EBF1: variants seen among roughly 807,000 people sequenced by gnomAD.
The protein encoded by EBF1 is EBF transcription factor 1.
EBF1 carries 10 observed loss-of-function variants against 68.4 expected under a neutral mutation model. The ratio of observed to expected loss-of-function variants is 0.15; its 90% CI spans 0.09 to 0.25. EBF1 has a LOEUF of 0.25. EBF1 is among the 10% of genes least tolerant of loss of function. The probability of loss-of-function intolerance (pLI) is 1.00; values close to 1 mark genes in which losing one functional copy is unlikely to be tolerated. For synonymous variants in EBF1, 298 were observed against 299.8 expected (o/e 0.99, Z 0.06); for missense variants, 509 against 794.4 (o/e 0.64, Z 4.32).
intron 13 of EBF1, 148 bp from the exon 14 acceptor site, chr5:158,712,481 G>A (rs1759617870): frequency 3.6e-6 from 3 of 834,796 alleles, no homozygotes; most frequent in East Asian, 5.3e-5. Context: ...GTGGGTTGGT[G>A]GTGCTAGCTC....
chr5:158,698,980 A>T lies in EBF1; in HGVS notation c.*131T>A. On this transcript the variant is annotated 3_prime_UTR_variant, in exon 16 of 16. Transcript: ENST00000313708. Reference sequence around the variant, plus strand: ...GCAAGGTCGGTGATTTTGTTTGTTTAAAAATCTGCAGTTATTGTGATTCCT... The same window carrying T: ...GCAAGGTCGGTGATTTTGTTTGTTTTAAAATCTGCAGTTATTGTGATTCCT... 1 of 782,026 alleles carries T rather than the reference A, an allele frequency of 1.3e-6. No individual in the cohort carries two copies. The highest frequency in any genetic ancestry group is 1.9e-6 in the Non-Finnish European group (1 of 521,490). The allele number at this position is 782,026 out of a possible 1,614,324, so 48.4% of individuals were successfully genotyped here.
chr5:158,754,806 A>C (rs1769695205), intron 10 of EBF1, among the ~76,000 whole-genome samples: 1 of 152,152 alleles, frequency 6.6e-6, no homozygotes, highest in Non-Finnish European at 1.5e-5. Flanking sequence ...TTTGCTCTAA[A>C]CAAAAGTATT....
intron 10 of EBF1, among the ~76,000 whole-genome samples, chr5:158,775,558 A>G (rs1249849093): frequency 6.6e-6 from 1 of 152,040 alleles, no homozygotes; most frequent in African/African-American, 2.4e-5. Context: ...TTTTCGGCCA[A>G]AAACAGAGTC....
Position 158,842,598 on chromosome 5 carries a change from C to G in EBF1, c.555-2488G>C, listed in dbSNP as rs371263714. Among the ~76,000 whole-genome samples, 34 of 152,318 alleles carry G rather than the reference C, an allele frequency of 2.2e-4. No homozygotes were observed. In the South Asian group the frequency reaches 2.5e-3, roughly 11 times the overall value. The stretch of plus-strand genomic sequence containing the variant: ...CTTCTCTGCACCACACTTTCCTTAT[C>G]TATAAACTGGTGCAATAACAGGCCT... On this transcript the variant is annotated intron_variant, in intron 6 of 15. Transcript: ENST00000313708.
chr5:158,792,918 G>C (rs1168617592), intron 9 of EBF1, among the ~76,000 whole-genome samples: 1 of 152,144 alleles, frequency 6.6e-6, no homozygotes, highest in Non-Finnish European at 1.5e-5. Context: ...GAAGGTAACA[G>C]CAACTGTTAA....
intron 6 of EBF1, among the ~76,000 whole-genome samples, chr5:159,012,626 A>T (rs1764895474): frequency 6.6e-6 from 1 of 152,128 alleles, no homozygotes; most frequent in South Asian, 2.1e-4. Flanking sequence ...AGCTGGGACT[A>T]CAGGCAAGCC....
chr5:158,966,358 A>T (rs1056077946), intron 6 of EBF1, among the ~76,000 whole-genome samples: 4 of 152,194 alleles, frequency 2.6e-5, no homozygotes, highest in Non-Finnish European at 5.9e-5. Flanking sequence ...GAGAAAAAGA[A>T]AAAGTCCTTC....
chr5:158,968,067 A>G (rs1397806960), intron 6 of EBF1, among the ~76,000 whole-genome samples: 1 of 152,194 alleles, frequency 6.6e-6, no homozygotes, highest in Non-Finnish European at 1.5e-5. Flanking sequence ...GGAAAAACAC[A>G]TGTCAACAAC....
intron 9 of EBF1, among the ~76,000 whole-genome samples, chr5:158,788,188 G>A (rs952719802): frequency 6.6e-6 from 1 of 152,188 alleles, no homozygotes; most frequent in Non-Finnish European, 1.5e-5. Context: ...GATAATTAAA[G>A]ATGGAAAGGT....
chr5:158,732,951 TC>T (rs1764422109), intron 10 of EBF1, among the ~76,000 whole-genome samples: 1 of 152,204 alleles, frequency 6.6e-6, no homozygotes, highest in African/African-American at 2.4e-5. Context: ...GTGTATCAAA[TC>T]TTTCTATCTA....
chr5:158,913,548 C>T (rs1806471447), intron 6 of EBF1, among the ~76,000 whole-genome samples: 1 of 152,166 alleles, frequency 6.6e-6, no homozygotes, highest in Non-Finnish European at 1.5e-5. Flanking sequence ...GTACTGCATG[C>T]TCCCACTGAG....
intron 7 of EBF1, among the ~76,000 whole-genome samples, chr5:158,827,597 A>T (rs1044386819): frequency 6.6e-6 from 1 of 152,194 alleles, no homozygotes; most frequent in East Asian, 1.9e-4. Context: ...ATCACTTCTC[A>T]GGCAGCCCCT....
Position 159,085,445 on chromosome 5 carries a change from C to T in EBF1, c.412-706G>A, listed in dbSNP as rs375805872. 3.9e-5 allele frequency among the ~76,000 whole-genome samples: 6 copies of T among 152,180 alleles called. No individual in the cohort carries two copies. The East Asian group carries it at 1.2e-3, about 29-fold the overall frequency. ...CTGGAGTCCCAAATCACCTCACCAG[C>T]CCAAATAGTTTTTTCTATTTTTTGT... On this transcript the variant is annotated intron_variant, in intron 4 of 15. Transcript: ENST00000313708.
intron 6 of EBF1, among the ~76,000 whole-genome samples, chr5:158,910,219 A>G (rs1036295969): frequency 5.9e-5 from 9 of 152,152 alleles, no homozygotes; most frequent in Admixed American, 1.3e-4. Flanking sequence ...ATGGAAACTC[A>G]CTGTTCCTAT....
intron 8 of EBF1, among the ~76,000 whole-genome samples, chr5:158,819,418 G>C (rs150055644): frequency 6.6e-6 from 1 of 152,210 alleles, no homozygotes; most frequent in South Asian, 2.1e-4. Flanking sequence ...CTGCACCACA[G>C]TGTTGTGAGG....
At chr5:158,938,502 AC>A (rs994282524) in intron 6 of EBF1, among the ~76,000 whole-genome samples, 1 of 152,226 alleles carries the variant, frequency 6.6e-6, no homozygotes, top group African/African-American at 2.4e-5. Flanking sequence ...GGCTGCCATA[AC>A]AAAATACCAT....
At chr5:158,833,939 C>T (rs965287081) in intron 7 of EBF1, among the ~76,000 whole-genome samples, 10 of 152,298 alleles carry the variant, frequency 6.6e-5, no homozygotes, top group South Asian at 2.1e-4. Flanking sequence ...ACTGAATGCA[C>T]GCATTCCTGC....
At chr5:158,893,748 G>A (rs1801638994) in intron 6 of EBF1, among the ~76,000 whole-genome samples, 1 of 152,130 alleles carries the variant, frequency 6.6e-6, no homozygotes, top group Admixed American at 6.5e-5. Flanking sequence ...TTCTCCACAA[G>A]ACAGACAAGA....
chr5:158,939,272 G>A (rs559163456), intron 6 of EBF1, among the ~76,000 whole-genome samples: 10 of 152,202 alleles, frequency 6.6e-5, no homozygotes, highest in Non-Finnish European at 1.3e-4. Context: ...ACAGAGAAAA[G>A]ATGCACATAG....
Sources: gnomAD v4.1 joint callset for allele counts (sites outside exome capture counted in the v4.1 genomes callset) on GRCh38, gnomAD v4.1.1 for gene constraint, MANE v1.5 for transcripts, NCBI Gene and HGNC (gene_info 2026-07-23, HGNC 2026-07-21) for gene names.